Variants in ADGRG4 observed in about 807,000 individuals in gnomAD.
ADGRG4 encodes G protein-coupled receptor 112.
Under a neutral mutation model 126.2 loss-of-function variants are expected in ADGRG4, and 122 were observed. The observed-to-expected ratio is 0.97, with a 90% CI of 0.83 to 1.12. The LOEUF (loss-of-function observed/expected upper bound fraction) is 1.12, where lower values mean the gene tolerates loss of function less well. Among genes scored for constraint, ADGRG4 ranks in the 50% most tolerant of loss-of-function variants. The pLI is 0.00. For missense variants in ADGRG4, 2,481 were observed against 2,251.8 expected, an observed-to-expected ratio of 1.10 and a Z score of -2.06; for synonymous variants, 943 against 838.7, an observed-to-expected ratio of 1.12 and a Z score of -2.15.
At chrX:136,409,851 G>A (rs1324180509) in intron 23 of ADGRG4, among the ~76,000 whole-genome samples, 1 of 112,117 alleles carries the variant, frequency 8.9e-6, no homozygotes, top group Non-Finnish European at 1.9e-5. Context: ...CTTCTTATCA[G>A]CTCTGATGTG....
At chrX:136,319,164 G>T (rs2074823105) in intron 4 of ADGRG4, among the ~76,000 whole-genome samples, 1 of 112,499 alleles carries the variant, frequency 8.9e-6, no homozygotes, top group Non-Finnish European at 1.9e-5. Flanking sequence ...AAACATAAGG[G>T]CAAAGCCCCT....
At chrX:136,379,283 TA>T (rs747735856) in intron 15 of ADGRG4, among the ~76,000 whole-genome samples, 3 of 111,952 alleles carry the variant, frequency 2.7e-5, no homozygotes, top group African/African-American at 9.7e-5. Flanking sequence ...AATATTTTCC[TA>T]TTTTTTTAAC....
intron 23 of ADGRG4, 60 bp from the exon 24 acceptor site, chrX:136,412,205 G>A (rs916774454): frequency 4.1e-6 from 3 of 737,268 alleles, no homozygotes; most frequent in African/African-American, 2.1e-5. Flanking sequence ...CCTGAGTCAG[G>A]GCATTGGTGA....
At chrX:136,414,088 C>T in intron 24 of ADGRG4, 72 bp from the exon 25 acceptor site, 2 of 872,705 alleles carry the variant, frequency 2.3e-6, no homozygotes, top group Non-Finnish European at 3.2e-6. Flanking sequence ...ATTTATATAC[C>T]ATACAATTCA....
chrX:136,390,711 C>T lies in ADGRG4; in HGVS notation c.7912-1521C>T, dbSNP rs773778274. Among the ~76,000 whole-genome samples the T allele has an allele frequency of 1.6e-4, 18 of 111,807 alleles. No individual in the cohort carries two copies. The East Asian group carries it at 5.1e-3, about 32-fold the overall frequency. ...TGGAAGGATGAGGAAGTTTCTATTC[C>T]TTTCCTGGCATGGCTACCGTTTTGT... On this transcript the variant is annotated intron_variant, in intron 16 of 25. Coordinates refer to ENST00000394143, the MANE Select transcript of ADGRG4 (RefSeq NM_153834.4).
chrX:136,380,649 T>TTCC (rs1199723751), intron 15 of ADGRG4, among the ~76,000 whole-genome samples: 7 of 66,437 alleles, frequency 1.1e-4, no homozygotes, highest in Non-Finnish European at 1.4e-4. Context: ...CTTCTTCTTC[T>TTCC]TCCTCCTCCT....
intron 18 of ADGRG4, among the ~76,000 whole-genome samples, 161 bp from the exon 19 acceptor site, chrX:136,395,229 G>A (rs1479755758): frequency 9.0e-6 from 1 of 111,703 alleles, no homozygotes; most frequent in Non-Finnish European, 1.9e-5. Flanking sequence ...AATTTAGTCT[G>A]TTAGACTTAA....
Position 136,323,324 on chromosome X carries a change from T to G in ADGRG4, c.617T>G (p.Val206Gly), listed in dbSNP as rs755748491. 8.3e-7 allele frequency: 1 copy of G among 1,210,014 alleles called. No individual in the cohort carries two copies. The highest frequency in any genetic ancestry group is 1.1e-6 in the Non-Finnish European group (1 of 894,266). ...EFMKCLDGNI[V>G]SWEEDVWLVN... is the part of the protein sequence containing the mutation. Reference sequence around the variant, plus strand: ...ATGAAGTGTTTAGATGGAAATATAGTTAGTTGGGAAGAAGACGTCTGGCTT... The same window carrying G: ...ATGAAGTGTTTAGATGGAAATATAGGTAGTTGGGAAGAAGACGTCTGGCTT... Residue 206 changes from valine to glycine, a missense_variant, in exon 5 of 26, where the codon GTT becomes GGT. Coordinates refer to ENST00000394143, the MANE Select transcript of ADGRG4 (RefSeq NM_153834.4).
At chrX:136,393,412 C>T in intron 17 of ADGRG4, 123 bp from the exon 18 acceptor site, 2 of 512,025 alleles carry the variant, frequency 3.9e-6, no homozygotes, top group South Asian at 3.1e-5. Context: ...TGTGTGTGTG[C>T]ATGTCAGTGT....
rs753644318 is a variant in ADGRG4, at chrX:136,344,882, A to G, written c.1176A>G (p.Lys392=). The part of the protein sequence containing the change: ...NSVVSTTSAI[K]SQSAVTKTTS... The stretch of plus-strand genomic sequence containing the variant: ...TTGTATCTACAACTTCAGCAATTAA[A>G]TCTCAGTCGGCTGTTACGAAGACAA... Residue 392 remains lysine, a synonymous_variant, in exon 6 of 26, where the codon AAA becomes AAG. Transcript: ENST00000394143. 8.3e-7 allele frequency: 1 copy of G among 1,211,098 alleles called. No homozygotes were observed. The highest frequency in any genetic ancestry group is 1.1e-6 in the Non-Finnish European group (1 of 894,737).
At chrX:136,353,056 C>T (rs780382310) in intron 7 of ADGRG4, among the ~76,000 whole-genome samples, 1 of 111,572 alleles carries the variant, frequency 9.0e-6, no homozygotes, top group South Asian at 3.8e-4. Context: ...TGGAGTAGGG[C>T]TCCACTTTTA....
In ADGRG4 at chrX:136,371,409, T is replaced by A. The variant is rs771476689; in HGVS notation, c.7478T>A (p.Ile2493Asn). 1.6e-5 allele frequency: 19 copies of A among 1,192,757 alleles called. No individual in the cohort carries two copies. The Middle Eastern group carries it at 7.0e-4, about 44-fold the overall frequency. The change falls in exon 14 of 26, where the codon ATT becomes AAT. Residue 2493 changes from isoleucine (I) to asparagine (N), a missense_variant. Physicochemically the swap from Ile to Asn is moderately radical, Grantham distance 149 (BLOSUM62 -3). Coordinates refer to ENST00000394143, the MANE Select transcript of ADGRG4 (RefSeq NM_153834.4). ...PALGKEETKI[I>N]VSKISDISQC... ...CTGGGTAAAGAAGAGACAAAGATTA[T>A]TGTTTCTAAAATATCAGATATTTCA...
chrX:136,334,298 A>T (rs111662153), intron 5 of ADGRG4, among the ~76,000 whole-genome samples: 1 of 111,384 alleles, frequency 9.0e-6, no homozygotes, highest in Admixed American at 9.6e-5. Context: ...CATCTTTTCC[A>T]ATCATCTATG....
At chrX:136,386,152 T>C (rs1308642315) in intron 15 of ADGRG4, among the ~76,000 whole-genome samples, 1 of 112,811 alleles carries the variant, frequency 8.9e-6, no homozygotes, top group African/African-American at 3.2e-5. Context: ...CCAGAAACTG[T>C]CTGCTTTTGG....
intron 5 of ADGRG4, among the ~76,000 whole-genome samples, chrX:136,327,424 C>A (rs760985136): frequency 1.4e-4 from 14 of 101,086 alleles, no homozygotes; most frequent in East Asian, 3.1e-4. Context: ...AATAAAATAA[C>A]ATAAAATAAA....
chrX:136,383,136 T>C (rs1354024333), intron 15 of ADGRG4, among the ~76,000 whole-genome samples: 2 of 112,185 alleles, frequency 1.8e-5, no homozygotes, highest in Non-Finnish European at 3.8e-5. Flanking sequence ...AAAAAAAATG[T>C]GCATTCTACA....
chrX:136,318,807 T>C (rs772147867), intron 4 of ADGRG4, among the ~76,000 whole-genome samples: 1 of 112,317 alleles, frequency 8.9e-6, no homozygotes, highest in African/African-American at 3.2e-5. Flanking sequence ...GCTGGCTTTG[T>C]TTTCATCTTT....
chrX:136,371,225 G>A (rs1448184129), intron 13 of ADGRG4, 103 bp from the exon 14 acceptor site: 2 of 464,807 alleles, frequency 4.3e-6, no homozygotes, highest in Non-Finnish European at 7.0e-6. Flanking sequence ...ACCTTGGTAG[G>A]TGTTCTCATC....
intron 21 of ADGRG4, 41 bp downstream of exon 21, chrX:136,400,157 G>A (rs748224253): frequency 9.7e-7 from 1 of 1,029,505 alleles, no homozygotes; most frequent in Non-Finnish European, 1.3e-6. Flanking sequence ...TATGTCTTAA[G>A]TCTGTCTTTC....
Sources: gnomAD v4.1 joint callset for allele counts (sites outside exome capture counted in the v4.1 genomes callset) on GRCh38, gnomAD v4.1.1 for gene constraint, MANE v1.5 for transcripts, NCBI Gene and HGNC (gene_info 2026-07-23, HGNC 2026-07-21) for gene names.